The following LYG2 variants were observed in gnomAD, a reference collection of about 807,000 sequenced individuals.
LYG2 encodes lysozyme g-like protein 2.
A neutral mutation model predicts 22.4 loss-of-function variants in LYG2; 25 were observed. That is an observed-to-expected ratio of 1.12 (90% CI 0.81 to 1.56). The LOEUF is 1.56. LYG2 is among the 40% of genes most tolerant of loss of function. The probability of loss-of-function intolerance (pLI) is 0.00; values close to 1 mark genes in which losing one functional copy is unlikely to be tolerated. For synonymous variants in LYG2, 88 were observed against 97.0 expected (o/e 0.91, Z 0.55); for missense variants, 266 against 269.5 (o/e 0.99, Z 0.09).
upstream of LYG2, among the ~76,000 whole-genome samples, chr2:99,256,670 T>C (rs2094036917): frequency 2.0e-5 from 3 of 152,218 alleles, no homozygotes; most frequent in Admixed American, 2.0e-4. Flanking sequence ...TAATAAAACA[T>C]TTAAAGCACT....
At chr2:99,249,401 C>G (rs894397681) in intron 3 of LYG2, among the ~76,000 whole-genome samples, 3 of 133,198 alleles carry the variant, frequency 2.3e-5, no homozygotes, top group African/African-American at 5.7e-5. Flanking sequence ...GCCTGGGCAA[C>G]AGAACAAGAC....
chr2:99,243,823 G>T, intron 6 of LYG2, 176 bp downstream of exon 6: 1 of 665,110 alleles, frequency 1.5e-6, no homozygotes. Flanking sequence ...GGTTGAGGAT[G>T]GAGGACCTCT....
At chr2:99,252,656 G>A (rs2094028647) in intron 3 of LYG2, among the ~76,000 whole-genome samples, 2 of 152,186 alleles carry the variant, frequency 1.3e-5, no homozygotes, top group Admixed American at 1.3e-4. Context: ...TATATTGACA[G>A]GTTCAGTATC....
At chr2:99,242,985 G>C (rs1348680882) in intron 6 of LYG2, among the ~76,000 whole-genome samples, 1 of 152,132 alleles carries the variant, frequency 6.6e-6, no homozygotes, top group East Asian at 1.9e-4. Flanking sequence ...TTTATCTCTA[G>C]TAGTTATGTA....
At chr2:99,245,504 T>C (rs1464006160) in intron 4 of LYG2, 46 bp from the exon 5 acceptor site, 2 of 1,331,352 alleles carry the variant, frequency 1.5e-6, no homozygotes, top group Non-Finnish European at 2.1e-6. Flanking sequence ...TGGTAGTGTG[T>C]GCCTGAAGTC....
At chr2:99,258,833 G>A (rs1383707634), upstream of LYG2, among the ~76,000 whole-genome samples, 1 of 152,162 alleles carries the variant, frequency 6.6e-6, no homozygotes, top group African/African-American at 2.4e-5. Flanking sequence ...GTAAAATGCA[G>A]GGTATGCCCT....
chr2:99,254,431 A>G (rs2094032399), intron 2 of LYG2, 146 bp from the exon 3 acceptor site: 6 of 562,258 alleles, frequency 1.1e-5, no homozygotes, highest in Non-Finnish European at 1.5e-5. Context: ...TCACAGGCTC[A>G]GTACATAGTT....
intron 6 of LYG2, 101 bp from the exon 7 acceptor site, chr2:99,242,583 G>C: frequency 1.4e-6 from 1 of 740,196 alleles, no homozygotes; most frequent in Middle Eastern, 3.4e-4. Context: ...ATCTTCCAAA[G>C]CAGGCAGTCC....
At chr2:99,246,471 C>T (rs2094016208) in intron 4 of LYG2, among the ~76,000 whole-genome samples, 1 of 152,152 alleles carries the variant, frequency 6.6e-6, no homozygotes, top group Non-Finnish European at 1.5e-5. Flanking sequence ...GAAATAAACA[C>T]AGCTGGACAA....
chr2:99,251,083 A>T (rs901861621), intron 3 of LYG2, among the ~76,000 whole-genome samples: 6 of 152,236 alleles, frequency 3.9e-5, no homozygotes, highest in African/African-American at 1.4e-4. Flanking sequence ...AAAACTGATA[A>T]AAATTGTTAG....
chr2:99,260,680 G>C, the LYG2 span, among the ~76,000 whole-genome samples: 1 of 152,304 alleles, frequency 6.6e-6, no homozygotes, highest in Non-Finnish European at 1.5e-5. Flanking sequence ...TGTAGAAAAT[G>C]AGGATACAAA....
chr2:99,242,488 ATGAAAC>A lies in LYG2; in HGVS notation c.521-12_521-7del. ...CTTAAAAGCTGAGAGACCACCTGAA[ATGAAAC>A]ACAGAGAATTAGGCTCAAATATTAA... On this transcript the variant is annotated splice_polypyrimidine_tract_variant and splice_region_variant and intron_variant, in intron 6 of 6. Transcript: ENST00000333017. 1 of 1,567,842 alleles carries A rather than the reference ATGAAAC, an allele frequency of 6.4e-7. No homozygotes were observed. The highest frequency in any genetic ancestry group is 8.8e-7 in the Non-Finnish European group (1 of 1,139,386).
chr2:99,253,386 C>T (rs910237576), intron 3 of LYG2, among the ~76,000 whole-genome samples: 50 of 152,142 alleles, frequency 3.3e-4, no homozygotes, highest in African/African-American at 9.7e-5. Context: ...AACTATGTTG[C>T]CCTGTTTTGA....
intron 3 of LYG2, among the ~76,000 whole-genome samples, chr2:99,251,574 T>C (rs1427406448): frequency 6.6e-6 from 1 of 152,178 alleles, no homozygotes; most frequent in Non-Finnish European, 1.5e-5. Flanking sequence ...ATGTGAAATA[T>C]CTGAATGCAT....
chr2:99,246,249 G>T (rs71413822), intron 4 of LYG2, among the ~76,000 whole-genome samples: 4 of 152,210 alleles, frequency 2.6e-5, no homozygotes, highest in African/African-American at 4.8e-5. Flanking sequence ...GAGTCTTTGG[G>T]CTCTGATTTG....
rs776702249 is a variant in LYG2, at chr2:99,245,349, G to A, written c.294C>T (p.Ile98=). The A allele has an allele frequency of 5.0e-6, 8 of 1,613,324 alleles. No homozygotes were observed. The highest frequency in any genetic ancestry group is 1.7e-4 in the Middle Eastern group (1 of 6,060). Residue 98 remains isoleucine (I), a synonymous_variant, in exon 5 of 7, where the codon ATC becomes ATT. Coordinates refer to ENST00000333017, the MANE Select transcript of LYG2 (RefSeq NM_175735.4). Reference sequence around the variant, plus strand: ...GGCTTTCCCTGGAGATGATGGCTGCGATGACAGCAGGGTCCACGCAATGTC... The same window carrying A: ...GGCTTTCCCTGGAGATGATGGCTGCAATGACAGCAGGGTCCACGCAATGTC... ...GQRHCVDPAV[I]AAIISRESHG... is the part of the protein sequence containing the mutation.
At chr2:99,252,944 G>A (rs1019150312) in intron 3 of LYG2, among the ~76,000 whole-genome samples, 1 of 151,726 alleles carries the variant, frequency 6.6e-6, no homozygotes, top group Non-Finnish European at 1.5e-5. Context: ...CTACTTGGGA[G>A]GCTGAGGCAG....
chr2:99,242,262 T>C lies in LYG2; in HGVS notation c.*102A>G. The C allele has an allele frequency of 1.8e-6, 1 of 542,966 alleles. No homozygotes were observed. Among genetic ancestry groups the C allele is most frequent in the Non-Finnish European group, 3.2e-6 (1 of 307,732 alleles). 33.6% of individuals were successfully genotyped at this position (542,966 alleles called of 1,614,324 possible). Reference sequence around the variant, plus strand: ...GGAAATGAATTTTCTTTCATGATTTTAATCATTTCTTTGCCAGTGTTGTAT... The same window carrying C: ...GGAAATGAATTTTCTTTCATGATTTCAATCATTTCTTTGCCAGTGTTGTAT... On this transcript the variant is annotated 3_prime_UTR_variant, in exon 7 of 7. Transcript: ENST00000333017.
At position 99,242,392 on chromosome 2, in the gene LYG2, G is replaced by C. The variant is rs775257195; in HGVS notation, c.611C>G (p.Ala204Gly). 10 of 1,613,182 alleles carry C rather than the reference G, an allele frequency of 6.2e-6. No homozygotes were observed. The South Asian group carries it at 1.1e-4, about 18-fold the overall frequency. ...NDFVNDIIAR[A>G]KFYKRQSF Reference sequence around the variant, plus strand: ...GAAGCTTTGTCTTTTATAGAACTTAGCTCGAGCAATGATATCATTGACGAA... The same window carrying C: ...GAAGCTTTGTCTTTTATAGAACTTACCTCGAGCAATGATATCATTGACGAA... Residue 204 changes from alanine (A) to glycine (G), a missense_variant, in exon 7 of 7, where the codon GCT (alanine) becomes GGT (glycine). Ala to Gly is a moderately conservative substitution (Grantham distance 60). Transcript: ENST00000333017.
Sources: allele counts gnomAD v4.1 joint callset (sites outside exome capture counted in the v4.1 genomes callset), GRCh38; gene constraint gnomAD v4.1.1; transcripts MANE v1.5; gene names NCBI Gene and HGNC (gene_info 2026-07-23, HGNC 2026-07-21).